CTNNA1: variants seen among roughly 807,000 people sequenced by gnomAD.
The protein encoded by CTNNA1 is catenin alpha 1.
CTNNA1 carries 37 observed loss-of-function variants against 98.4 expected under a neutral mutation model. That is an observed-to-expected ratio of 0.38 (90% CI 0.29 to 0.49). CTNNA1 has a LOEUF of 0.49. CTNNA1 is among the 20% of genes least tolerant of loss of function. The pLI, the probability that CTNNA1 is intolerant of heterozygous loss-of-function variation, is 0.95. For synonymous variants in CTNNA1, 404 were observed against 413.2 expected (o/e 0.98, Z 0.27); for missense variants, 761 against 1,147.2 (o/e 0.66, Z 4.86).
In CTNNA1 at chr5:138,931,203, C is replaced by A; in HGVS notation, c.2298+268C>A. 1.4e-5 allele frequency: 6 copies of A among 420,332 alleles called. No homozygotes were observed. In the South Asian group the frequency reaches 1.6e-4, roughly 11 times the overall value. 26.0% of individuals were successfully genotyped at this position (420,332 alleles called of 1,614,324 possible). A position where few individuals can be genotyped will look rare whatever the true frequency, so the allele number is the denominator to read the frequency against. ...CCTCTCTCCCCCTCTGGGCAGGGGC[C>A]GAGAGCAGCCAGAAGCCATGTGGCC... is the stretch of plus-strand genomic sequence containing the variant. On this transcript the variant is annotated intron_variant, in intron 16 of 17. Coordinates refer to ENST00000302763, the MANE Select transcript of CTNNA1 (RefSeq NM_001903.5).
chr5:138,798,964 G>A (rs1757253078), intron 3 of CTNNA1, among the ~76,000 whole-genome samples: 1 of 151,670 alleles, frequency 6.6e-6, no homozygotes, highest in South Asian at 2.1e-4. Flanking sequence ...AAACTAACAG[G>A]TATCTTTTTA....
intron 7 of CTNNA1, chr5:138,880,080 C>T (rs1320248213): frequency 6.6e-6 from 1 of 152,166 alleles, no homozygotes; most frequent in Non-Finnish European, 1.5e-5. Context: ...GAAGTTTGGA[C>T]AGATGAACGT....
intron 3 of CTNNA1, among the ~76,000 whole-genome samples, chr5:138,793,474 A>C (rs1220677294): frequency 6.6e-6 from 1 of 152,208 alleles, no homozygotes; most frequent in Non-Finnish European, 1.5e-5. Flanking sequence ...CCTTTTATTA[A>C]AAAGTCTGTC....
At chr5:138,904,554 C>T in intron 10 of CTNNA1, 113 bp downstream of exon 10, 3 of 1,348,980 alleles carry the variant, frequency 2.2e-6, no homozygotes, top group Non-Finnish European at 3.0e-6. Context: ...AGATGGAAGT[C>T]TTGGGGACAG....
chr5:138,836,896 T>G (rs1761830965), intron 7 of CTNNA1, among the ~76,000 whole-genome samples: 1 of 152,232 alleles, frequency 6.6e-6, no homozygotes, highest in Non-Finnish European at 1.5e-5. Flanking sequence ...CTTTGATATT[T>G]TTTCCCACAT....
chr5:138,805,011 G>A (rs28745568), intron 3 of CTNNA1, among the ~76,000 whole-genome samples: 1,633 of 152,262 alleles, frequency 0.011, 61 homozygotes, highest in East Asian at 0.076. Flanking sequence ...TTCCAATCAT[G>A]GTGGAAGGGA....
intron 7 of CTNNA1, among the ~76,000 whole-genome samples, chr5:138,842,193 G>C (rs1174163739): frequency 6.6e-6 from 1 of 152,076 alleles, no homozygotes; most frequent in Non-Finnish European, 1.5e-5. Context: ...CCAGCTACTC[G>C]GGAGGCTGAG....
chr5:138,898,208 G>C (rs1022085575), intron 9 of CTNNA1, among the ~76,000 whole-genome samples: 8 of 122,564 alleles, frequency 6.5e-5, no homozygotes, highest in East Asian at 4.9e-4. Flanking sequence ...TGATATGTCT[G>C]CTCCCACCTT....
intron 3 of CTNNA1, among the ~76,000 whole-genome samples, chr5:138,789,188 TC>T (rs11331872): frequency 0.73 from 108,924 of 149,262 alleles, 39,402 homozygotes; most frequent in East Asian, 0.84. Flanking sequence ...TTCCTGTTTT[TC>T]CCCCCCCCCA....
At chr5:138,797,664 G>A (rs1757116192) in intron 3 of CTNNA1, among the ~76,000 whole-genome samples, 1 of 152,030 alleles carries the variant, frequency 6.6e-6, no homozygotes, top group Non-Finnish European at 1.5e-5. Flanking sequence ...GTTTTTGGAG[G>A]ACTTTTACAG....
chr5:138,826,322 C>T (rs1207795606), intron 6 of CTNNA1, among the ~76,000 whole-genome samples: 1 of 152,158 alleles, frequency 6.6e-6, no homozygotes, highest in Non-Finnish European at 1.5e-5. Context: ...TCAATAAGGA[C>T]ATAGTCTCTG....
At chr5:138,901,029 C>G (rs139633707) in intron 9 of CTNNA1, among the ~76,000 whole-genome samples, 2,484 of 152,218 alleles carry the variant, frequency 0.016, 81 homozygotes, top group African/African-American at 0.056. Flanking sequence ...ATTTATTCTC[C>G]TAACAAATCC....
chr5:138,754,222 A>G (rs1008374012), intron 1 of CTNNA1: 1 of 136,894 alleles, frequency 7.3e-6, no homozygotes, highest in Non-Finnish European at 1.6e-5. Flanking sequence ...CAGGAGTGGC[A>G]TTAGAGAGGT....
intron 1 of CTNNA1, among the ~76,000 whole-genome samples, chr5:138,769,124 C>T (rs914838593): frequency 2.6e-5 from 4 of 151,878 alleles, no homozygotes; most frequent in African/African-American, 4.8e-5. Flanking sequence ...AACTCTTGGG[C>T]TCAAGTGATC....
At chr5:138,875,250 A>G (rs1001554822) in intron 7 of CTNNA1, 7 of 339,476 alleles carry the variant, frequency 2.1e-5, no homozygotes, top group Middle Eastern at 1.0e-3. Context: ...TGTTGATGGC[A>G]GATGGGTGGC....
rs762799349 is a variant in CTNNA1, at chr5:138,924,730, C to G, written c.1747+20C>G. On this transcript the variant is annotated intron_variant, in intron 12 of 17. Transcript: ENST00000302763. The stretch of plus-strand genomic sequence containing the variant: ...ACACAGGTACGGGAACTCTCCCTTT[C>G]CAGTGCTCGCACACACCGCAGCCTC... The G allele has an allele frequency of 3.6e-5, 55 of 1,549,158 alleles. No individual in the cohort carries two copies. The Admixed American group carries it at 1.0e-3, about 29-fold the overall frequency.
intron 7 of CTNNA1, among the ~76,000 whole-genome samples, chr5:138,884,993 A>G (rs1445289217): frequency 6.6e-6 from 1 of 152,190 alleles, no homozygotes; most frequent in Non-Finnish European, 1.5e-5. Flanking sequence ...ACCAGATTTG[A>G]TAGTGATCAT....
chr5:138,856,825 G>T (rs1182238873), intron 7 of CTNNA1, among the ~76,000 whole-genome samples: 2 of 152,218 alleles, frequency 1.3e-5, no homozygotes. Flanking sequence ...TTCATGAGAT[G>T]AAATCCTTAT....
intron 7 of CTNNA1, among the ~76,000 whole-genome samples, chr5:138,834,246 C>T (rs1761558264): frequency 6.6e-6 from 1 of 152,154 alleles, no homozygotes; most frequent in African/African-American, 2.4e-5. Context: ...ATTAGAGTAG[C>T]TTAATTTTTT....
Sources: gnomAD v4.1 joint callset for allele counts (sites outside exome capture counted in the v4.1 genomes callset) on GRCh38, gnomAD v4.1.1 for gene constraint, MANE v1.5 for transcripts, NCBI Gene and HGNC (gene_info 2026-07-23, HGNC 2026-07-21) for gene names.